Variants in NPAS3 observed in about 807,000 individuals in gnomAD.
The protein encoded by NPAS3 is neuronal PAS domain-containing protein 3.
NPAS3 carries 14 observed loss-of-function variants against 73.1 expected under a neutral mutation model. The observed-to-expected ratio is 0.19, with a 90% CI of 0.13 to 0.30. The LOEUF (loss-of-function observed/expected upper bound fraction) is 0.30. Ranked by LOEUF, NPAS3 falls within the 10% of genes least tolerant of loss-of-function variation. The probability of loss-of-function intolerance (pLI) is 1.00; values close to 1 mark genes in which losing one functional copy is unlikely to be tolerated. For missense variants in NPAS3, 1,096 were observed against 1,250.0 expected (o/e 0.88, Z 1.86); for synonymous variants, 620 against 541.5 (o/e 1.14, Z -2.01).
intron 6 of NPAS3, among the ~76,000 whole-genome samples, chr14:33,701,172 A>G (rs2060513933): frequency 6.6e-6 from 1 of 152,234 alleles, no homozygotes; most frequent in African/African-American, 2.4e-5. Flanking sequence ...TGCACAGCCT[A>G]CCAAGTATTT....
At chr14:32,989,294 G>A (rs1414991094) in intron 1 of NPAS3, among the ~76,000 whole-genome samples, 4 of 152,184 alleles carry the variant, frequency 2.6e-5, no homozygotes, top group African/African-American at 9.7e-5. Context: ...TGTTGTGACT[G>A]GACAGAGGTA....
intron 3 of NPAS3, among the ~76,000 whole-genome samples, chr14:33,351,235 A>G (rs1245565178): frequency 6.6e-6 from 1 of 152,220 alleles, no homozygotes; most frequent in African/African-American, 2.4e-5. Context: ...TTGGAAATAT[A>G]CACTAGTCAA....
Position 33,354,412 on chromosome 14 carries a change from A to T in NPAS3, c.386-12774A>T, listed in dbSNP as rs182782007. 7.9e-5 allele frequency among the ~76,000 whole-genome samples: 12 copies of T among 152,028 alleles called. No individual in the cohort carries two copies. The East Asian group carries it at 2.1e-3, about 27-fold the overall frequency. On this transcript the variant is annotated intron_variant, in intron 3 of 11. Coordinates refer to ENST00000356141, the Ensembl canonical transcript of NPAS3. ...CTAGGACATGGCTGCCGCTTTATCC[A>T]CCCTCTGCTCTGGCTGTCTGCACTC...
chr14:33,510,532 G>A (rs1165641496), intron 4 of NPAS3, among the ~76,000 whole-genome samples: 1 of 152,056 alleles, frequency 6.6e-6, no homozygotes, highest in African/African-American at 2.4e-5. Context: ...ACAAGCATGA[G>A]TTAACAGCAT....
chr14:33,240,115 T>C (rs924591643), intron 3 of NPAS3, among the ~76,000 whole-genome samples: 16 of 151,936 alleles, frequency 1.1e-4, no homozygotes, highest in African/African-American at 3.4e-4. Flanking sequence ...TGGAATTGTT[T>C]TACCTTGCAT....
chr14:33,482,865 G>A (rs1474409561), intron 4 of NPAS3, among the ~76,000 whole-genome samples: 2 of 151,978 alleles, frequency 1.3e-5, no homozygotes, highest in Non-Finnish European at 2.9e-5. Context: ...TTTCTCAGTT[G>A]GAACTAAAGA....
intron 3 of NPAS3, among the ~76,000 whole-genome samples, chr14:33,257,533 A>G (rs543045990): frequency 6.6e-6 from 1 of 152,198 alleles, no homozygotes; most frequent in Non-Finnish European, 1.5e-5. Context: ...CAATTTGACT[A>G]AAAGCTGTAT....
At chr14:33,457,465 G>T (rs1007113212) in intron 4 of NPAS3, among the ~76,000 whole-genome samples, 1 of 152,210 alleles carries the variant, frequency 6.6e-6, no homozygotes, top group Non-Finnish European at 1.5e-5. Context: ...CTTGAAATGT[G>T]TATTTCTCTT....
chr14:33,117,046 G>A (rs1292964263), intron 2 of NPAS3, among the ~76,000 whole-genome samples: 3 of 152,014 alleles, frequency 2.0e-5, no homozygotes, highest in Admixed American at 6.6e-5. Context: ...TCTCTAATCC[G>A]TTAGTATTAC....
At chr14:33,619,218 C>A (rs747430173) in intron 5 of NPAS3, among the ~76,000 whole-genome samples, 2 of 151,984 alleles carry the variant, frequency 1.3e-5, no homozygotes, top group Non-Finnish European at 2.9e-5. Flanking sequence ...TTTTATCTGC[C>A]AACTCTTGAG....
intron 3 of NPAS3, among the ~76,000 whole-genome samples, chr14:33,271,651 C>A (rs1420708698): frequency 1.3e-5 from 2 of 151,958 alleles, no homozygotes; most frequent in Non-Finnish European, 2.9e-5. Context: ...TTAAAAAATA[C>A]CTGATTTTAA....
intron 2 of NPAS3, among the ~76,000 whole-genome samples, chr14:33,064,226 A>G (rs2041205042): frequency 6.6e-6 from 1 of 152,228 alleles, no homozygotes; most frequent in Non-Finnish European, 1.5e-5. Flanking sequence ...AACTTACAGT[A>G]TTATGATCTG....
At chr14:33,769,763 T>TTTTC (rs2062589629) in intron 7 of NPAS3, among the ~76,000 whole-genome samples, 1 of 129,302 alleles carries the variant, frequency 7.7e-6, no homozygotes, top group African/African-American at 3.0e-5. Context: ...TTTCTTTTTT[T>TTTTC]TTTTTTTTTT....
chr14:33,032,295 A>G (rs573491588), intron 1 of NPAS3, among the ~76,000 whole-genome samples: 1 of 152,334 alleles, frequency 6.6e-6, no homozygotes, highest in African/African-American at 2.4e-5. Context: ...TGGGTTTTAG[A>G]AAGATTAATT....
At chr14:33,084,072 A>G (rs546311987) in intron 2 of NPAS3, among the ~76,000 whole-genome samples, 1 of 152,340 alleles carries the variant, frequency 6.6e-6, no homozygotes, top group South Asian at 2.1e-4. Flanking sequence ...AAACTTTAGT[A>G]AAAGTATATC....
Position 33,746,158 on chromosome 14 carries a change from CT to C in NPAS3, c.852+10832del, listed in dbSNP as rs540122642. Among the ~76,000 whole-genome samples the C allele has an allele frequency of 2.1e-4, 31 of 147,538 alleles. No homozygotes were observed. In the East Asian group the frequency reaches 5.8e-3, roughly 28 times the overall value. ...CCTTAGGGGATTCTATTGACTCATT[CT>C]TTTTTATTTTATTTTATTTATTTAT... On this transcript the variant is annotated intron_variant, in intron 7 of 11. Transcript: ENST00000356141.
At chr14:33,288,973 G>A (rs1196225669) in intron 3 of NPAS3, among the ~76,000 whole-genome samples, 1 of 152,142 alleles carries the variant, frequency 6.6e-6, no homozygotes, top group Admixed American at 6.5e-5. Context: ...TGAGTGAATA[G>A]AAGAAATAAA....
chr14:33,616,301 A>C (rs1435306955), intron 5 of NPAS3, among the ~76,000 whole-genome samples: 1 of 152,166 alleles, frequency 6.6e-6, no homozygotes, highest in Non-Finnish European at 1.5e-5. Context: ...TATGGAACAG[A>C]GTTACACTAG....
At chr14:33,242,984 A>G (rs1250927038) in intron 3 of NPAS3, among the ~76,000 whole-genome samples, 1 of 152,104 alleles carries the variant, frequency 6.6e-6, no homozygotes, top group Non-Finnish European at 1.5e-5. Flanking sequence ...CCTAAAGTAC[A>G]TTTTTATTAA....
Sources: allele counts gnomAD v4.1 joint callset (sites outside exome capture counted in the v4.1 genomes callset), GRCh38; gene constraint gnomAD v4.1.1; transcripts MANE v1.5; gene names NCBI Gene and HGNC (gene_info 2026-07-23, HGNC 2026-07-21).